The following TCOF1 variants were observed in gnomAD, a reference collection of about 807,000 sequenced individuals.
TCOF1 encodes the protein treacle ribosome biogenesis factor 1.
In TCOF1, 33 loss-of-function variants were observed where a neutral mutation model predicts 149.0. That is an observed-to-expected ratio of 0.22 (90% CI 0.17 to 0.30). The LOEUF (loss-of-function observed/expected upper bound fraction) is 0.30, where lower values mean the gene tolerates loss of function less well. Ranked by LOEUF, TCOF1 falls within the 10% of genes least tolerant of loss-of-function variation. The pLI, the probability that TCOF1 is intolerant of heterozygous loss-of-function variation, is 1.00. For missense variants in TCOF1, 1,728 were observed against 1,840.7 expected (o/e 0.94, Z 1.12); for synonymous variants, 789 against 738.8 (o/e 1.07, Z -1.10).
chr5:150,358,866 G>T (rs1759318119), intron 1 of TCOF1, among the ~76,000 whole-genome samples: 1 of 151,850 alleles, frequency 6.6e-6, no homozygotes, highest in South Asian at 2.1e-4. Flanking sequence ...ATGGCAGATT[G>T]CCCTGGTCAG....
At position 150,375,455 on chromosome 5, in the gene TCOF1, A is replaced by T. The variant is rs1241952312; in HGVS notation, c.1605A>T (p.Ser535=). 2 of 1,611,128 alleles carry T rather than the reference A, an allele frequency of 1.2e-6. No individual in the cohort carries two copies. The highest frequency in any genetic ancestry group is 3.3e-5 in the Admixed American group (2 of 59,778). Residue 535 remains serine (S), a synonymous_variant, in exon 11 of 27, where the codon TCA becomes TCT. Transcript: ENST00000643257. ...PPGKVGPATP[S]AQVGKWEEDS... ...GGAAGGTGGGGCCTGCAACCCCCTC[A>T]GCCCAGGTGGGGAAGTGGGAGGAGG... is the stretch of plus-strand genomic sequence containing the variant.
intron 17 of TCOF1, among the ~76,000 whole-genome samples, chr5:150,383,530 G>A (rs935613580): frequency 1.3e-5 from 2 of 152,226 alleles, no homozygotes; most frequent in African/African-American, 2.4e-5. Flanking sequence ...ACTGGTGCCA[G>A]CACACAAGGT....
intron 1 of TCOF1, 64 bp downstream of exon 1, chr5:150,357,918 C>CCG (rs1040824796): frequency 1.3e-6 from 2 of 1,513,446 alleles, no homozygotes; most frequent in African/African-American, 2.8e-5. Context: ...GGCCCGCGGC[C>CCG]CGCGCCCCGT....
intron 17 of TCOF1, chr5:150,383,313 A>G (rs553980097): frequency 2.1e-5 from 15 of 715,590 alleles, no homozygotes; most frequent in Non-Finnish European, 2.9e-5. Flanking sequence ...TCTTTCCTCT[A>G]TTGTGACATT....
At chr5:150,391,371 G>C (rs1767410746) in intron 19 of TCOF1, among the ~76,000 whole-genome samples, 173 bp from the exon 20 acceptor site, 1 of 152,188 alleles carries the variant, frequency 6.6e-6, no homozygotes, top group Non-Finnish European at 1.5e-5. Flanking sequence ...CTTGCTCCTT[G>C]AGAACAATGT....
chr5:150,398,122 A>G (rs1444863167), intron 24 of TCOF1, among the ~76,000 whole-genome samples: 2 of 152,098 alleles, frequency 1.3e-5, no homozygotes, highest in Admixed American at 6.6e-5. Context: ...AGGTCTCACT[A>G]TGTTGCCCAA....
intron 17 of TCOF1, among the ~76,000 whole-genome samples, chr5:150,386,784 C>T (rs961938637): frequency 7.2e-5 from 11 of 152,204 alleles, no homozygotes; most frequent in South Asian, 6.2e-4. Context: ...TGTGTGTTCT[C>T]GTTAGCTGGA....
chr5:150,380,126 T>C (rs569275725), intron 17 of TCOF1: 19 of 242,838 alleles, frequency 7.8e-5, no homozygotes, highest in Non-Finnish European at 1.4e-4. Context: ...TAGGGCCAGG[T>C]AAGGAAAAGA....
At chr5:150,364,409 C>T (rs1354948249) in intron 3 of TCOF1, among the ~76,000 whole-genome samples, 157 bp downstream of exon 3, 1 of 152,196 alleles carries the variant, frequency 6.6e-6, no homozygotes, top group Non-Finnish European at 1.5e-5. Flanking sequence ...TTGAGCCCTT[C>T]CTCCGTGCCA....
Position 150,392,781 on chromosome 5 carries a change from G to T in TCOF1, c.3594G>T (p.Ala1198=). ...AAESSEDDVV[A]PSQSLLSGYM... is the part of the protein sequence containing the mutation. ...AGTCCAGCGAGGATGATGTGGTGGC[G>T]CCATCCCAGGTAACTGCAAGGGAGA... Residue 1198 remains alanine (A), a synonymous_variant, in exon 22 of 27, where the codon GCG becomes GCT. Coordinates refer to ENST00000643257, the MANE Select transcript of TCOF1 (RefSeq NM_001371623.1). The T allele has an allele frequency of 6.2e-7, 1 of 1,613,904 alleles. No individual in the cohort carries two copies. Among genetic ancestry groups the T allele is most frequent in the Non-Finnish European group, 8.5e-7 (1 of 1,179,948 alleles).
intron 1 of TCOF1, among the ~76,000 whole-genome samples, chr5:150,358,142 T>A (rs1412579306): frequency 6.6e-6 from 1 of 152,178 alleles, no homozygotes; most frequent in Non-Finnish European, 1.5e-5. Context: ...ACGCCCTTCC[T>A]GGTAGCGGGT....
intron 19 of TCOF1, 118 bp downstream of exon 19, chr5:150,390,141 T>TC: frequency 6.7e-7 from 1 of 1,482,436 alleles, no homozygotes; most frequent in African/African-American, 1.4e-5. Context: ...ACTCCAGAGG[T>TC]CGTGGCCTCA....
intron 18 of TCOF1, among the ~76,000 whole-genome samples, chr5:150,388,800 G>A (rs915119953): frequency 1.3e-5 from 2 of 151,996 alleles, no homozygotes; most frequent in African/African-American, 2.4e-5. Flanking sequence ...TTAGCCTGGC[G>A]GGCGCCTGTA....
Position 150,374,345 on chromosome 5 carries a change from G to A in TCOF1, c.1042G>A (p.Asp348Asn), listed in dbSNP as rs1376989812. 2.0e-5 allele frequency: 32 copies of A among 1,563,316 alleles called. No individual in the cohort carries two copies. Among genetic ancestry groups the A allele is most frequent in the Non-Finnish European group, 2.7e-5 (31 of 1,153,508 alleles). ...DSESSSEESS[D>N]SEEETPAAKA... Reference sequence around the variant, plus strand: ...AGAGAGCAGCAGCGAGGAGTCATCTGACAGTGAGGAGGAGACGCCAGCTGC... The same window carrying A: ...AGAGAGCAGCAGCGAGGAGTCATCTAACAGTGAGGAGGAGACGCCAGCTGC... Residue 348 changes from aspartate (D) to asparagine (N), a missense_variant, in exon 8 of 27, where the codon GAC becomes AAC. This residue lies in a region of TCOF1 where 1,696 missense variants were observed against 1,765.4 expected (regional missense o/e 0.96). Coordinates refer to ENST00000643257, the MANE Select transcript of TCOF1 (RefSeq NM_001371623.1).
At chr5:150,396,261 C>G in intron 23 of TCOF1, 21 bp from the exon 24 acceptor site, 1 of 1,613,744 alleles carries the variant, frequency 6.2e-7, no homozygotes, top group Non-Finnish European at 8.5e-7. Flanking sequence ...AGATCTGTGA[C>G]CCCACATTCT....
At position 150,392,718 on chromosome 5, in the gene TCOF1, C is replaced by G; in HGVS notation, c.3531C>G (p.Pro1177=). The change falls in exon 22 of 27, where the codon CCC becomes CCG. Residue 1177 remains proline (P), a synonymous_variant. Transcript: ENST00000643257. ...KSAHTLVGPT[P]SRTETLVEET... is the part of the protein sequence containing the mutation. ...GTGCTTCTCCAGTAGGTCCCACCCC[C>G]TCCAGGACAGAGACCCTGGTGGAGG... is the stretch of plus-strand genomic sequence containing the variant. The G allele has an allele frequency of 3.1e-6, 5 of 1,614,062 alleles. No individual in the cohort carries two copies. The highest frequency in any genetic ancestry group is 4.5e-5 in the East Asian group (2 of 44,866).
intron 17 of TCOF1, among the ~76,000 whole-genome samples, chr5:150,387,173 C>A (rs1030185463): frequency 6.6e-6 from 1 of 152,210 alleles, no homozygotes; most frequent in African/African-American, 2.4e-5. Flanking sequence ...TACAGTGTCA[C>A]ACCTAATAAG....
chr5:150,393,439 C>G lies in TCOF1; in HGVS notation c.3671C>G (p.Pro1224Arg). ...PANSQASKAT[P>R]KLDSSPSVSS... Reference sequence around the variant, plus strand: ...AATTCCCAGGCCTCAAAAGCCACTCCCAAGCTAGACTCCAGCCCCTCAGTT... The same window carrying G: ...AATTCCCAGGCCTCAAAAGCCACTCGCAAGCTAGACTCCAGCCCCTCAGTT... Residue 1224 changes from proline (P) to arginine (R), a missense_variant, in exon 23 of 27, where the codon CCC becomes CGC. Transcript: ENST00000643257. The G allele has an allele frequency of 3.1e-6, 5 of 1,614,158 alleles. No homozygotes were observed. The South Asian group carries it at 5.5e-5, about 18-fold the overall frequency.
intron 17 of TCOF1, chr5:150,384,042 C>G: frequency 7.4e-7 from 1 of 1,359,478 alleles, no homozygotes; most frequent in Non-Finnish European, 9.5e-7. Context: ...ACCAGCTCCC[C>G]TGTCCCAGGG....
Sources: allele counts gnomAD v4.1 joint callset (sites outside exome capture counted in the v4.1 genomes callset), GRCh38; gene constraint gnomAD v4.1.1; regional missense constraint gnomAD v4.1.1; transcripts MANE v1.5; gene names NCBI Gene and HGNC (gene_info 2026-07-23, HGNC 2026-07-21).